The following SCARB1 variants were observed in gnomAD, a reference collection of about 807,000 sequenced individuals.
SCARB1 encodes the protein scavenger receptor class B member 1.
SCARB1 carries 30 observed loss-of-function variants against 57.2 expected under a neutral mutation model. The observed-to-expected ratio is 0.52, with a 90% CI of 0.39 to 0.71. SCARB1 has a LOEUF of 0.71. Among genes scored for constraint, SCARB1 ranks in the 30% least tolerant of loss-of-function variants. SCARB1 has a pLI of 0.00. For synonymous variants in SCARB1, 249 were observed against 268.3 expected (o/e 0.93, Z 0.70); for missense variants, 543 against 671.2 (o/e 0.81, Z 2.11).
Position 124,810,614 on chromosome 12 carries a change from C to A in SCARB1, c.727-325G>T, listed in dbSNP as rs1950490125. 6.6e-6 allele frequency among the ~76,000 whole-genome samples: 1 copy of A among 152,170 alleles called. No individual in the cohort carries two copies. Among genetic ancestry groups the A allele is most frequent in the Non-Finnish European group, 1.5e-5 (1 of 68,030 alleles). Reference sequence around the variant, plus strand: ...GTGAGAGGTGGGGCGCGGCTGTGCTCAGCCCTCAGAGCGGAAGTCAACAGG... The same window carrying A: ...GTGAGAGGTGGGGCGCGGCTGTGCTAAGCCCTCAGAGCGGAAGTCAACAGG... On this transcript the variant is annotated intron_variant, in intron 5 of 12. Transcript: ENST00000261693. The surrounding 1 kb of genome is among the most constrained non-coding windows in gnomAD (Gnocchi z 4.0).
Position 124,782,605 on chromosome 12 carries a change from C to T in SCARB1, c.*78G>A, listed in dbSNP as rs75446635. 9.5e-4 allele frequency: 1,354 copies of T among 1,430,072 alleles called. 5 individuals carry two copies. In the African/African-American group the frequency reaches 0.01, roughly 11 times the overall value. The allele number at this position is 1,430,072 out of a possible 1,614,324, so 88.6% of individuals were successfully genotyped here. A position where few individuals can be genotyped will look rare whatever the true frequency, so the allele number is the denominator to read the frequency against. On this transcript the variant is annotated intron_variant, in intron 12 of 12. Transcript: ENST00000261693. ...TTGAGGCTGAAGGAATGAGCAGGAC[C>T]CCAAATGTTTTAAGCCGCCAGCATT...
chr12:124,813,256 C>CAG (rs1421975170), intron 4 of SCARB1, among the ~76,000 whole-genome samples: 5 of 152,186 alleles, frequency 3.3e-5, no homozygotes, highest in Admixed American at 3.3e-4. Context: ...GTTTTACCCC[C>CAG]AGTTCCTCCA....
chr12:124,817,730 G>T lies in SCARB1; in HGVS notation c.127-23C>A. The T allele has an allele frequency of 6.2e-7, 1 of 1,613,658 alleles. No homozygotes were observed. Among genetic ancestry groups the T allele is most frequent in the Non-Finnish European group, 8.5e-7 (1 of 1,179,674 alleles). On this transcript the variant is annotated intron_variant, in intron 1 of 12. Coordinates refer to ENST00000261693, the MANE Select transcript of SCARB1 (RefSeq NM_005505.5). The surrounding 1 kb of genome is among the most constrained non-coding windows in gnomAD (Gnocchi z 4.8). ...GTTCTGCAGGGGAAGGGACAAGTACGCTTGTGAGGAGAGTGATGAGGGCCC... is the reference window on the plus strand; with the variant it reads ...GTTCTGCAGGGGAAGGGACAAGTACTCTTGTGAGGAGAGTGATGAGGGCCC...
intron 1 of SCARB1, among the ~76,000 whole-genome samples, chr12:124,848,761 T>C (rs370541254): frequency 4.6e-5 from 7 of 152,176 alleles, no homozygotes; most frequent in African/African-American, 1.4e-4. Flanking sequence ...TTTCCAGGCA[T>C]CTAGAGAATC....
At chr12:124,793,334 C>T (rs1372170281) in intron 9 of SCARB1, among the ~76,000 whole-genome samples, 2 of 152,150 alleles carry the variant, frequency 1.3e-5, no homozygotes, top group South Asian at 2.1e-4. Flanking sequence ...GTTCTAGCAA[C>T]GTGTAATGTT....
At position 124,819,588 on chromosome 12, in the gene SCARB1, G is replaced by A. The variant is rs536426764; in HGVS notation, c.127-1881C>T. On this transcript the variant is annotated intron_variant, in intron 1 of 12. Coordinates refer to ENST00000261693, the MANE Select transcript of SCARB1 (RefSeq NM_005505.5). ...CCTCAACCCAGCCGGGACATATCTC[G>A]GGCCCCTCAGTGCCCACACCACGTC... 5.9e-5 allele frequency among the ~76,000 whole-genome samples: 9 copies of A among 152,066 alleles called. No homozygotes were observed. In the South Asian group the frequency reaches 8.3e-4, roughly 14 times the overall value.
chr12:124,783,058 G>A, intron 11 of SCARB1: 1 of 486,342 alleles, frequency 2.1e-6, no homozygotes, highest in Non-Finnish European at 3.7e-6. Context: ...TCGTCCACTT[G>A]AAAATTTAAG....
At chr12:124,829,715 C>T (rs868670548) in intron 1 of SCARB1, among the ~76,000 whole-genome samples, 20 of 152,216 alleles carry the variant, frequency 1.3e-4, no homozygotes, top group Admixed American at 3.9e-4. Context: ...TCACTTTCTC[C>T]GTGAGACCTT....
chr12:124,843,570 C>T (rs922555344), intron 1 of SCARB1, among the ~76,000 whole-genome samples: 4 of 152,188 alleles, frequency 2.6e-5, no homozygotes, highest in African/African-American at 9.7e-5. Context: ...ACACATAGTG[C>T]TGGTCTGAAG....
chr12:124,835,089 C>A (rs958836358), intron 1 of SCARB1, among the ~76,000 whole-genome samples: 1 of 152,068 alleles, frequency 6.6e-6, no homozygotes, highest in African/African-American at 2.4e-5. Flanking sequence ...CCATGAAGTG[C>A]CGTGGCTATA....
At position 124,817,329 on chromosome 12, in the gene SCARB1, GGCAACATA is replaced by G. The variant is rs1203055250; in HGVS notation, c.284+213_284+220del. On this transcript the variant is annotated intron_variant, in intron 2 of 12. Coordinates refer to ENST00000261693, the MANE Select transcript of SCARB1 (RefSeq NM_005505.5). The surrounding 1 kb of genome is among the most constrained non-coding windows in gnomAD (Gnocchi z 4.8). ...AGCCCAGGACTTCAAAACCAGCCTG[GGCAACATA>G]GCAAGATCCCATCTCTAAAAAAAAA... 7.0e-6 allele frequency among the ~76,000 whole-genome samples: 1 copy of G among 141,880 alleles called. No homozygotes were observed. The highest frequency in any genetic ancestry group is 2.7e-5 in the African/African-American group (1 of 37,172). 93.1% of individuals were successfully genotyped at this position (141,880 alleles called of 152,430 possible). A position where few individuals can be genotyped will look rare whatever the true frequency, so the allele number is the denominator to read the frequency against.
At chr12:124,821,405 T>C in intron 1 of SCARB1, 6 of 985,338 alleles carry the variant, frequency 6.1e-6, no homozygotes, top group Non-Finnish European at 7.2e-6. Context: ...CCCTGGCCGC[T>C]TGGCCTGGTT....
chr12:124,830,959 TACGCCACC>T (rs1951360568), intron 1 of SCARB1, among the ~76,000 whole-genome samples: 1 of 145,864 alleles, frequency 6.9e-6, no homozygotes, highest in Non-Finnish European at 1.5e-5. Flanking sequence ...ACTACAGGCA[TACGCCACC>T]ATGCCCAGCT....
intron 9 of SCARB1, among the ~76,000 whole-genome samples, chr12:124,787,711 TG>T (rs1297214536): frequency 6.6e-6 from 1 of 150,502 alleles, no homozygotes; most frequent in Non-Finnish European, 1.5e-5. Context: ...AAAGGCGTTT[TG>T]TTTTTTTTTT....
In SCARB1 at chr12:124,810,163, C is replaced by G; in HGVS notation, c.842+11G>C. On this transcript the variant is annotated intron_variant, in intron 6 of 12. Transcript: ENST00000261693. The surrounding 1 kb of genome is among the most constrained non-coding windows in gnomAD (Gnocchi z 4.0). ...CAGGAAACCCAGGAGGCCCCGAGTCCCAGTGATTACCGGCAGGCCTCCGGG... is the reference window on the plus strand; with the variant it reads ...CAGGAAACCCAGGAGGCCCCGAGTCGCAGTGATTACCGGCAGGCCTCCGGG... 3 of 1,591,588 alleles carry G rather than the reference C, an allele frequency of 1.9e-6. No individual in the cohort carries two copies. Among genetic ancestry groups the G allele is most frequent in the Admixed American group, 1.7e-5 (1 of 59,996 alleles).
intron 1 of SCARB1, among the ~76,000 whole-genome samples, chr12:124,861,360 T>A (rs1394841122): frequency 6.6e-6 from 1 of 152,138 alleles, no homozygotes. Context: ...GTATTGTTAT[T>A]TTGGGGGGAT....
At position 124,814,347 on chromosome 12, in the gene SCARB1, G is replaced by A. The variant is rs1378111301; in HGVS notation, c.485C>T (p.Ala162Val). Residue 162 changes from alanine to valine, a missense_variant, in exon 4 of 13, where the codon GCA becomes GTA. Ala to Val is a moderately conservative substitution (Grantham distance 64, BLOSUM62 0). Coordinates refer to ENST00000261693, the MANE Select transcript of SCARB1 (RefSeq NM_005505.5). The surrounding 1 kb of genome is among the most constrained non-coding windows in gnomAD (Gnocchi z 4.7). ...GGCACGTTCGCCGAGGGTGGTGAATGCCAAGGTCATGATGAGCTTCAGGGT... is the reference window on the plus strand; with the variant it reads ...GGCACGTTCGCCGAGGGTGGTGAATACCAAGGTCATGATGAGCTTCAGGGT... Reference protein sequence around the residue: ...PMTLKLIMTLAFTTLGERAFM... With the variant: ...PMTLKLIMTLVFTTLGERAFM... 1.2e-6 allele frequency: 2 copies of A among 1,614,050 alleles called. No individual in the cohort carries two copies. The highest frequency in any genetic ancestry group is 1.1e-5 in the South Asian group (1 of 91,074).
At chr12:124,845,432 G>A (rs1449130694) in intron 1 of SCARB1, among the ~76,000 whole-genome samples, 1 of 151,650 alleles carries the variant, frequency 6.6e-6, no homozygotes, top group East Asian at 1.9e-4. Flanking sequence ...CGGTGGCTCA[G>A]GCCTGTAATC....
At chr12:124,828,494 C>G (rs969740676) in intron 1 of SCARB1, among the ~76,000 whole-genome samples, 3 of 152,218 alleles carry the variant, frequency 2.0e-5, no homozygotes, top group Non-Finnish European at 4.4e-5. Context: ...ACGCCCCTGC[C>G]CTCAGACACC....
Sources: gnomAD v4.1 joint callset for allele counts (sites outside exome capture counted in the v4.1 genomes callset) on GRCh38, gnomAD v4.1.1 for gene constraint, Gnocchi (gnomAD v3.1) non-coding constraint, MANE v1.5 for transcripts, NCBI Gene and HGNC (gene_info 2026-07-23, HGNC 2026-07-21) for gene names.